Variants in COL11A1 observed in about 807,000 individuals in gnomAD.
COL11A1 encodes the protein collagen alpha-1(XI) chain.
COL11A1 carries 74 observed loss-of-function variants against 265.2 expected under a neutral mutation model. The ratio of observed to expected loss-of-function variants is 0.28; its 90% CI spans 0.23 to 0.34. The LOEUF is 0.34. Ranked by LOEUF, COL11A1 falls within the 10% of genes least tolerant of loss-of-function variation. The probability of loss-of-function intolerance (pLI) is 1.00; values close to 1 mark genes in which losing one functional copy is unlikely to be tolerated. For synonymous variants in COL11A1, 816 were observed against 727.6 expected (o/e 1.12, Z -1.96); for missense variants, 2,165 against 2,263.6 (o/e 0.96, Z 0.88).
intron 57 of COL11A1, among the ~76,000 whole-genome samples, chr1:102,892,256 GT>G (rs1442350375): frequency 6.6e-6 from 1 of 152,008 alleles, no homozygotes; most frequent in Non-Finnish European, 1.5e-5. Context: ...ACAGCAAATT[GT>G]TTTAACTTTT....
At chr1:102,967,458 T>A (rs1022486947) in intron 37 of COL11A1, among the ~76,000 whole-genome samples, 1 of 151,968 alleles carries the variant, frequency 6.6e-6, no homozygotes, top group Non-Finnish European at 1.5e-5. Context: ...GAAAGGATGG[T>A]CTCGATCTCC....
At chr1:102,906,352 G>T (rs933478626) in intron 54 of COL11A1, among the ~76,000 whole-genome samples, 5 of 152,182 alleles carry the variant, frequency 3.3e-5, no homozygotes, top group Non-Finnish European at 7.3e-5. Flanking sequence ...TAAAAGGAGT[G>T]TCAGTTTATA....
chr1:102,936,330 T>G (rs2101239101), intron 44 of COL11A1, among the ~76,000 whole-genome samples: 1 of 152,048 alleles, frequency 6.6e-6, no homozygotes, highest in East Asian at 1.9e-4. Context: ...CATGGAACGC[T>G]ATTTTTACTT....
chr1:102,925,214 C>T (rs533716339), intron 46 of COL11A1, among the ~76,000 whole-genome samples: 3 of 152,090 alleles, frequency 2.0e-5, no homozygotes, highest in South Asian at 2.1e-4. Flanking sequence ...CCTAACCATG[C>T]GCATGTAAAG....
chr1:103,105,572 G>A (rs988460425), intron 1 of COL11A1, among the ~76,000 whole-genome samples: 1 of 152,002 alleles, frequency 6.6e-6, no homozygotes, highest in South Asian at 2.1e-4. Flanking sequence ...TTATATAAAA[G>A]TAGTATCTGT....
chr1:103,108,501 C>A lies in COL11A1; in HGVS notation c.-323G>T. On this transcript the variant is annotated 5_prime_UTR_variant, in exon 1 of 67. The change creates a new upstream start codon in the 5' untranslated region. Coordinates refer to ENST00000370096, the MANE Select transcript of COL11A1 (RefSeq NM_001854.4). ...AACAAGCTGAGAGTACTGTGTGCCC[C>A]TAAAGGCTTCATGCCGTCAGTGGGC... The A allele has an allele frequency of 1.7e-6, 1 of 575,012 alleles. No homozygotes were observed. The highest frequency in any genetic ancestry group is 2.3e-5 in the South Asian group (1 of 43,270). The allele number at this position is 575,012 out of a possible 1,614,324, so 35.6% of individuals were successfully genotyped here. A position where few individuals can be genotyped will look rare whatever the true frequency, so the allele number is the denominator to read the frequency against.
At chr1:103,101,088 G>A (rs1353791441) in intron 1 of COL11A1, among the ~76,000 whole-genome samples, 1 of 151,876 alleles carries the variant, frequency 6.6e-6, no homozygotes, top group Non-Finnish European at 1.5e-5. Flanking sequence ...GGAAGAGAAT[G>A]AGATAGACAT....
chr1:103,001,496 T>A lies in COL11A1; in HGVS notation c.2142+429A>T, dbSNP rs1665105526. 1.4e-5 allele frequency: 6 copies of A among 430,456 alleles called. No individual in the cohort carries two copies. The Admixed American group carries it at 1.5e-4, about 11-fold the overall frequency. 26.7% of individuals were successfully genotyped at this position (430,456 alleles called of 1,614,324 possible). On this transcript the variant is annotated intron_variant, in intron 24 of 66. Coordinates refer to ENST00000370096, the MANE Select transcript of COL11A1 (RefSeq NM_001854.4). ...AGACATTGAGTTATTAACAAGAACA[T>A]CATTTGCTATTCATATATGAGATAT...
intron 20 of COL11A1, 100 bp from the exon 21 acceptor site, chr1:103,003,368 A>T: frequency 7.9e-7 from 1 of 1,264,644 alleles, no homozygotes; most frequent in Non-Finnish European, 1.1e-6. Context: ...TTTAGAATAA[A>T]AATATTTGGA....
intron 42 of COL11A1, among the ~76,000 whole-genome samples, chr1:102,943,663 A>G (rs763474609): frequency 3.9e-5 from 6 of 152,250 alleles, no homozygotes; most frequent in Non-Finnish European, 8.8e-5. Flanking sequence ...CAGACTTACA[A>G]TTCTGGCACT....
At chr1:102,891,204 G>A (rs999590910) in intron 57 of COL11A1, among the ~76,000 whole-genome samples, 7 of 151,858 alleles carry the variant, frequency 4.6e-5, no homozygotes, top group African/African-American at 1.2e-4. Flanking sequence ...CATATACTAC[G>A]AATACTTAAT....
chr1:102,918,436 A>G (rs942114336), intron 49 of COL11A1, among the ~76,000 whole-genome samples: 1 of 151,958 alleles, frequency 6.6e-6, no homozygotes, highest in African/African-American at 2.4e-5. Flanking sequence ...ACTAAAAGAT[A>G]CTGGTTTTTT....
chr1:102,940,414 C>G lies in COL11A1; in HGVS notation c.3297G>C (p.Gly1099=), dbSNP rs768553239. The change falls in exon 43 of 67, where the codon GGG becomes GGC. Residue 1099 remains glycine (G), a synonymous_variant. Transcript: ENST00000370096. ...KGAPGEKGPQ[G]PAGRDGVQGP... is the part of the protein sequence containing the mutation. ...CTTGAACTCCATCTCTCCCTGCAGG[C>G]CCTTGGGGACCTTTTTCTCCCTGTA... 6.2e-7 allele frequency: 1 copy of G among 1,613,870 alleles called. No homozygotes were observed. The highest frequency in any genetic ancestry group is 8.5e-7 in the Non-Finnish European group (1 of 1,179,916).
At chr1:102,999,023 T>C (rs1664881208) in intron 24 of COL11A1, among the ~76,000 whole-genome samples, 3 of 150,936 alleles carry the variant, frequency 2.0e-5, no homozygotes, top group Admixed American at 2.0e-4. Context: ...ACTACAAGAA[T>C]CAGACCTTTT....
chr1:103,052,902 G>A (rs931575150), intron 4 of COL11A1, among the ~76,000 whole-genome samples: 3 of 152,134 alleles, frequency 2.0e-5, no homozygotes, highest in Non-Finnish European at 4.4e-5. Context: ...TACATTAATA[G>A]GTAATTCTAA....
At chr1:103,045,615 T>A (rs1669185810) in intron 4 of COL11A1, among the ~76,000 whole-genome samples, 1 of 152,066 alleles carries the variant, frequency 6.6e-6, no homozygotes. Context: ...AATATTCTTT[T>A]TTTAATTTTA....
intron 3 of COL11A1, among the ~76,000 whole-genome samples, chr1:103,075,624 G>T (rs1173497992): frequency 3.3e-5 from 5 of 152,052 alleles, no homozygotes; most frequent in Admixed American, 3.3e-4. Context: ...ACAATGTATA[G>T]TGCTAACATA....
intron 1 of COL11A1, among the ~76,000 whole-genome samples, chr1:103,083,511 A>G (rs1272155199): frequency 6.6e-6 from 1 of 152,172 alleles, no homozygotes; most frequent in African/African-American, 2.4e-5. Context: ...TGGATGTTAT[A>G]TGTAAACTCT....
chr1:102,979,179 C>A, intron 32 of COL11A1, 75 bp from the exon 33 acceptor site: 1 of 1,346,998 alleles, frequency 7.4e-7, no homozygotes, highest in South Asian at 1.2e-5. Flanking sequence ...ACTGAGTAGT[C>A]ATGCAAGAAC....
Sources: gnomAD v4.1 joint callset for allele counts (sites outside exome capture counted in the v4.1 genomes callset) on GRCh38, gnomAD v4.1.1 for gene constraint, MANE v1.5 for transcripts, NCBI Gene and HGNC (gene_info 2026-07-23, HGNC 2026-07-21) for gene names.